The following HDGFL3 variants were observed in gnomAD, a reference collection of about 807,000 sequenced individuals.
The protein encoded by HDGFL3 is HDGF like 3.
A neutral mutation model predicts 27.6 loss-of-function variants in HDGFL3; 6 were observed. The ratio of observed to expected loss-of-function variants is 0.22; its 90% CI spans 0.12 to 0.43. The LOEUF is 0.43. Ranked by LOEUF, HDGFL3 falls within the 20% of genes least tolerant of loss-of-function variation. HDGFL3 has a pLI of 1.00. For missense variants in HDGFL3, 207 were observed against 250.1 expected, an observed-to-expected ratio of 0.83 and a Z score of 1.16; for synonymous variants, 88 against 88.9, an observed-to-expected ratio of 0.99 and a Z score of 0.05.
downstream of HDGFL3, among the ~76,000 whole-genome samples, chr15:83,125,024 A>G (rs1024614068): frequency 2.0e-5 from 3 of 152,136 alleles, no homozygotes; most frequent in Admixed American, 6.6e-5. Context: ...GTTTTAGGGC[A>G]TCTAAAAAAT....
intron 1 of HDGFL3, among the ~76,000 whole-genome samples, chr15:83,202,204 A>G (rs1032288892): frequency 2.6e-5 from 4 of 152,306 alleles, no homozygotes; most frequent in Middle Eastern, 3.4e-3. Flanking sequence ...AATTTAATCT[A>G]TTGCTAGAGA....
chr15:83,114,579 T>G (rs2034483134), exon 4 of HDGFL3: 1 of 152,616 alleles, frequency 6.6e-6, no homozygotes, highest in Non-Finnish European at 1.5e-5. Flanking sequence ...TGGCCTTTTG[T>G]TCCTTCTGGG....
chr15:83,160,191 G>GTTTT (rs776088047), intron 2 of HDGFL3, among the ~76,000 whole-genome samples: 1 of 143,662 alleles, frequency 7.0e-6, no homozygotes, highest in Non-Finnish European at 1.5e-5. Context: ...TATCTCTAAG[G>GTTTT]TTTTTTTTTT....
At chr15:83,124,813 T>C, downstream of HDGFL3, 2 of 1,474,766 alleles carry the variant, frequency 1.4e-6, no homozygotes, top group Non-Finnish European at 9.4e-7. Flanking sequence ...AACATTGTGA[T>C]ACTACTCACA....
At chr15:83,169,325 GAA>G (rs2037213723) in intron 1 of HDGFL3, 1 of 340,542 alleles carries the variant, frequency 2.9e-6, no homozygotes, top group Non-Finnish European at 6.0e-6. Flanking sequence ...AGTCGCAGGA[GAA>G]TGGCGTGAAC....
At chr15:83,123,029 C>T (rs2035417177), downstream of HDGFL3, 6 of 847,628 alleles carry the variant, frequency 7.1e-6, no homozygotes, top group Admixed American at 3.0e-5. Context: ...CATTAGCTTA[C>T]GTATTAATTA....
chr15:83,148,629 A>C (rs569669280), intron 5 of HDGFL3, among the ~76,000 whole-genome samples: 3 of 152,070 alleles, frequency 2.0e-5, no homozygotes, highest in African/African-American at 7.2e-5. Context: ...CTCGAAAAAA[A>C]AAAAATAATA....
At chr15:83,175,760 T>C (rs1396521481) in intron 1 of HDGFL3, among the ~76,000 whole-genome samples, 1 of 152,164 alleles carries the variant, frequency 6.6e-6, no homozygotes, top group Admixed American at 6.5e-5. Context: ...CTCGGGAGGC[T>C]GAGGCAGGAG....
At chr15:83,157,345 G>T in intron 4 of HDGFL3, 70 bp downstream of exon 4, 1 of 1,439,848 alleles carries the variant, frequency 6.9e-7, no homozygotes, top group Non-Finnish European at 9.7e-7. Flanking sequence ...ATAAACACAT[G>T]GAAAATAATC....
intron 1 of HDGFL3, among the ~76,000 whole-genome samples, chr15:83,188,665 C>CTT (rs781638036): frequency 6.0e-4 from 91 of 152,120 alleles, no homozygotes; most frequent in Non-Finnish European, 1.2e-3. Context: ...TCGTAATATA[C>CTT]TTTTTCCCTA....
intron 3 of HDGFL3, among the ~76,000 whole-genome samples, chr15:83,117,560 G>A (rs143511840): frequency 1.5e-3 from 231 of 152,296 alleles, no homozygotes; most frequent in African/African-American, 5.2e-3. Flanking sequence ...ATGGAGCCCA[G>A]AGGAGGGAGG....
chr15:83,200,453 C>G (rs1050833071), intron 1 of HDGFL3, among the ~76,000 whole-genome samples: 3 of 152,190 alleles, frequency 2.0e-5, no homozygotes, highest in South Asian at 4.1e-4. Flanking sequence ...TATAAAGCCA[C>G]AAAGCAGCTG....
At chr15:83,190,425 GTATTGTAT>G (rs2037498004) in intron 1 of HDGFL3, among the ~76,000 whole-genome samples, 5 of 152,130 alleles carry the variant, frequency 3.3e-5, no homozygotes, top group Non-Finnish European at 5.9e-5. Context: ...TACTTCTTCA[GTATTGTAT>G]AAGAGTTTCT....
intron 1 of HDGFL3, among the ~76,000 whole-genome samples, chr15:83,196,202 TC>T (rs1250258104): frequency 6.6e-6 from 1 of 151,566 alleles, no homozygotes; most frequent in African/African-American, 2.4e-5. Context: ...TTTATATTTG[TC>T]CATTATATTT....
intron 4 of HDGFL3, among the ~76,000 whole-genome samples, 180 bp from the exon 5 acceptor site, chr15:83,151,541 C>A (rs1052218489): frequency 5.9e-5 from 9 of 152,196 alleles, no homozygotes; most frequent in African/African-American, 2.2e-4. Flanking sequence ...CATTTCACCT[C>A]ATTGGACCTC....
intron 1 of HDGFL3, among the ~76,000 whole-genome samples, chr15:83,170,563 C>T (rs2037233293): frequency 6.6e-6 from 1 of 152,080 alleles, no homozygotes; most frequent in Non-Finnish European, 1.5e-5. Flanking sequence ...CATAAGAAAA[C>T]CTAACTCAAG....
intron 1 of HDGFL3, among the ~76,000 whole-genome samples, chr15:83,171,659 T>C (rs1458841517): frequency 1.3e-5 from 2 of 152,106 alleles, no homozygotes; most frequent in Non-Finnish European, 2.9e-5. Context: ...AAATACCGCA[T>C]GTTCTTACTT....
At chr15:83,204,986 A>G (rs1212255998) in intron 1 of HDGFL3, among the ~76,000 whole-genome samples, 2 of 152,218 alleles carry the variant, frequency 1.3e-5, no homozygotes, top group Non-Finnish European at 1.5e-5. Context: ...GTGCCTTCCT[A>G]CAACATGTAC....
chr15:83,162,532 G>C (rs982884243), intron 2 of HDGFL3, among the ~76,000 whole-genome samples: 3 of 152,062 alleles, frequency 2.0e-5, no homozygotes, highest in African/African-American at 7.2e-5. Context: ...ATTTATTATA[G>C]GTAAAACTTA....
Sources: allele counts gnomAD v4.1 joint callset (sites outside exome capture counted in the v4.1 genomes callset), GRCh38; gene constraint gnomAD v4.1.1; transcripts MANE v1.5; gene names NCBI Gene and HGNC (gene_info 2026-07-23, HGNC 2026-07-21).